Variants in STXBP5L observed in about 807,000 individuals in gnomAD.
The protein encoded by STXBP5L is syntaxin binding protein 5L, also known as syntaxin-binding protein 5-like.
STXBP5L carries 65 observed loss-of-function variants against 144.5 expected under a neutral mutation model. The observed-to-expected ratio is 0.45, with a 90% CI of 0.37 to 0.55. The LOEUF is 0.55. Among genes scored for constraint, STXBP5L ranks in the 20% least tolerant of loss-of-function variants. The probability of loss-of-function intolerance (pLI) is 0.00; values close to 1 mark genes in which losing one functional copy is unlikely to be tolerated. For synonymous variants in STXBP5L, 505 were observed against 469.6 expected, an observed-to-expected ratio of 1.08 and a Z score of -0.97; for missense variants, 1,298 against 1,405.5, an observed-to-expected ratio of 0.92 and a Z score of 1.22.
chr3:121,385,016 A>G (rs1381230970), intron 22 of STXBP5L, among the ~76,000 whole-genome samples: 1 of 152,038 alleles, frequency 6.6e-6, no homozygotes, highest in African/African-American at 2.4e-5. Flanking sequence ...TTTGTAACAT[A>G]TATAATATAT....
intron 3 of STXBP5L, among the ~76,000 whole-genome samples, chr3:121,038,610 C>T (rs1946924803): frequency 6.6e-6 from 1 of 151,760 alleles, no homozygotes; most frequent in African/African-American, 2.4e-5. Context: ...CCAATTGGGA[C>T]AAGTTGGTTG....
At chr3:121,329,656 T>A (rs1470824735) in intron 20 of STXBP5L, among the ~76,000 whole-genome samples, 1 of 151,330 alleles carries the variant, frequency 6.6e-6, no homozygotes, top group Non-Finnish European at 1.5e-5. Flanking sequence ...AGGTCAGGAG[T>A]TCAAGACCAG....
intron 9 of STXBP5L, among the ~76,000 whole-genome samples, chr3:121,201,567 G>A (rs1219502142): frequency 6.6e-6 from 1 of 151,602 alleles, no homozygotes; most frequent in Non-Finnish European, 1.5e-5. Context: ...ACGCTAGCTG[G>A]TTATTTTGTA....
At chr3:121,333,768 A>G (rs1456406116) in intron 20 of STXBP5L, among the ~76,000 whole-genome samples, 1 of 152,192 alleles carries the variant, frequency 6.6e-6, no homozygotes, top group Non-Finnish European at 1.5e-5. Flanking sequence ...AAATTACAAA[A>G]CCTAGAAGAG....
At chr3:120,953,970 A>C (rs974234931) in intron 2 of STXBP5L, among the ~76,000 whole-genome samples, 1 of 152,154 alleles carries the variant, frequency 6.6e-6, no homozygotes, top group Non-Finnish European at 1.5e-5. Context: ...TAGATGTATA[A>C]GGCAGGAACA....
chr3:121,052,277 G>C (rs1380883806), intron 5 of STXBP5L, among the ~76,000 whole-genome samples: 1 of 152,118 alleles, frequency 6.6e-6, no homozygotes. Flanking sequence ...CCAAAGCCTG[G>C]CAGAGACATA....
intron 9 of STXBP5L, among the ~76,000 whole-genome samples, chr3:121,202,353 T>G (rs2048172277): frequency 6.6e-6 from 1 of 152,146 alleles, no homozygotes. Flanking sequence ...TTCTTGTTAT[T>G]GGCAAATATA....
intron 20 of STXBP5L, among the ~76,000 whole-genome samples, chr3:121,366,279 G>C (rs1452351323): frequency 6.6e-6 from 1 of 151,818 alleles, no homozygotes; most frequent in Non-Finnish European, 1.5e-5. Context: ...GATCTAGTTG[G>C]TTTATTGTAT....
chr3:121,395,064 A>G (rs1200931394), intron 22 of STXBP5L, among the ~76,000 whole-genome samples: 1 of 152,158 alleles, frequency 6.6e-6, no homozygotes, highest in Non-Finnish European at 1.5e-5. Flanking sequence ...AAAAAAATCT[A>G]TTATCATTCT....
chr3:121,097,353 G>A (rs772738801), intron 5 of STXBP5L, among the ~76,000 whole-genome samples: 1 of 152,118 alleles, frequency 6.6e-6, no homozygotes, highest in African/African-American at 2.4e-5. Flanking sequence ...GAGCCACTGG[G>A]GTATGGAAAG....
intron 5 of STXBP5L, among the ~76,000 whole-genome samples, chr3:121,075,575 G>A (rs181522104): frequency 7.7e-4 from 118 of 152,262 alleles, no homozygotes; most frequent in African/African-American, 2.0e-3. Context: ...TACAAATGCC[G>A]CATTAACCAT....
At chr3:121,418,657 C>A in intron 26 of STXBP5L, 100 bp downstream of exon 26, 1 of 1,106,500 alleles carries the variant, frequency 9.0e-7, no homozygotes. Flanking sequence ...CATAAGTAAT[C>A]CTGTATGAGA....
intron 14 of STXBP5L, among the ~76,000 whole-genome samples, chr3:121,243,628 C>T (rs1287822120): frequency 2.0e-5 from 3 of 151,096 alleles, no homozygotes; most frequent in Non-Finnish European, 4.4e-5. Context: ...GCAGCTATAA[C>T]ATTTATGCCA....
chr3:121,138,094 A>T (rs529464454), intron 7 of STXBP5L, among the ~76,000 whole-genome samples: 1 of 152,314 alleles, frequency 6.6e-6, no homozygotes, highest in Admixed American at 6.5e-5. Context: ...TTATAAAATC[A>T]ACATGCAAAA....
chr3:121,295,485 C>A (rs2051614062), intron 19 of STXBP5L, among the ~76,000 whole-genome samples: 1 of 151,998 alleles, frequency 6.6e-6, no homozygotes, highest in African/African-American at 2.4e-5. Flanking sequence ...TGTTGAAAAT[C>A]AACTACTTTG....
At chr3:121,222,727 A>C (rs2049009048) in intron 10 of STXBP5L, among the ~76,000 whole-genome samples, 3 of 152,170 alleles carry the variant, frequency 2.0e-5, no homozygotes, top group Non-Finnish European at 4.4e-5. Context: ...GTCAGTGAGC[A>C]CATCTACCTT....
chr3:121,144,248 G>C (rs1252962850), intron 7 of STXBP5L, among the ~76,000 whole-genome samples: 1 of 151,626 alleles, frequency 6.6e-6, no homozygotes, highest in Non-Finnish European at 1.5e-5. Flanking sequence ...GGGAAGAGAA[G>C]TTTTAAGTGT....
intron 3 of STXBP5L, among the ~76,000 whole-genome samples, chr3:120,966,147 C>T (rs1939545048): frequency 6.6e-6 from 1 of 152,184 alleles, no homozygotes; most frequent in Admixed American, 6.5e-5. Context: ...TTAAGGTCTT[C>T]TATACACTGT....
At chr3:121,354,378 A>G (rs1039751035) in intron 20 of STXBP5L, among the ~76,000 whole-genome samples, 7 of 152,222 alleles carry the variant, frequency 4.6e-5, no homozygotes, top group African/African-American at 7.2e-5. Context: ...TAGTGGGTGC[A>G]TATATATTTA....
Sources: allele counts gnomAD v4.1 joint callset (sites outside exome capture counted in the v4.1 genomes callset), GRCh38; gene constraint gnomAD v4.1.1; transcripts MANE v1.5; gene names NCBI Gene and HGNC (gene_info 2026-07-23, HGNC 2026-07-21).